ASPH: variants seen among roughly 807,000 people sequenced by gnomAD.
ASPH encodes aspartyl/asparaginyl beta-hydroxylase.
Under a neutral mutation model 118.4 loss-of-function variants are expected in ASPH, and 100 were observed. The ratio of observed to expected loss-of-function variants is 0.84; its 90% confidence interval spans 0.72 to 1.00. The LOEUF (loss-of-function observed/expected upper bound fraction) is 1.00. Ranked by LOEUF, ASPH falls within the 50% of genes least tolerant of loss-of-function variation. The pLI is 0.00. For synonymous variants in ASPH, 315 were observed against 325.6 expected, an observed-to-expected ratio of 0.97 and a Z score of 0.35; for missense variants, 920 against 919.5, an observed-to-expected ratio of 1.00 and a Z score of -0.01.
At chr8:61,700,476 G>C (rs1488167407) in intron 1 of ASPH, among the ~76,000 whole-genome samples, 4 of 152,204 alleles carry the variant, frequency 2.6e-5, no homozygotes, top group African/African-American at 9.6e-5. Context: ...CTGCTACCAA[G>C]AGCAAACAGA....
In ASPH at chr8:61,520,723, A is replaced by G. The variant is rs545415910; in HGVS notation, c.1901-2600T>C. On this transcript the variant is annotated intron_variant, in intron 22 of 24. Coordinates refer to ENST00000379454, the MANE Select transcript of ASPH (RefSeq NM_004318.4). Reference sequence around the variant, plus strand: ...TGGGGCTGCTTGGCAGGAGTCCCCAATTCTGAGCTCTGTGCTGTCCAGGCA... The same window carrying G: ...TGGGGCTGCTTGGCAGGAGTCCCCAGTTCTGAGCTCTGTGCTGTCCAGGCA... Among the ~76,000 whole-genome samples the G allele has an allele frequency of 1.8e-4, 28 of 152,290 alleles. No individual in the cohort carries two copies. The East Asian group carries it at 1.9e-3, about 10-fold the overall frequency.
chr8:61,702,423 T>C (rs1488968562), intron 1 of ASPH, among the ~76,000 whole-genome samples: 2 of 151,838 alleles, frequency 1.3e-5, no homozygotes, highest in African/African-American at 2.4e-5. Flanking sequence ...TAGCTGGTAC[T>C]ACAGGTGCCC....
chr8:61,607,002 T>C (rs973552752), intron 14 of ASPH: 1 of 379,864 alleles, frequency 2.6e-6, no homozygotes, highest in Admixed American at 4.4e-5. Flanking sequence ...CATCGCTCCA[T>C]GAAGACTCCA....
intron 14 of ASPH, among the ~76,000 whole-genome samples, chr8:61,590,835 T>G (rs1292397226): frequency 6.6e-6 from 1 of 152,196 alleles, no homozygotes; most frequent in Non-Finnish European, 1.5e-5. Context: ...CCTTTATTTC[T>G]ACCAAAGAAT....
At chr8:61,534,770 C>A (rs894680368) in intron 21 of ASPH, among the ~76,000 whole-genome samples, 12 of 152,162 alleles carry the variant, frequency 7.9e-5, no homozygotes, top group Admixed American at 7.9e-4. Context: ...TTTGCTGAGG[C>A]AGTTAGTACA....
chr8:61,579,306 G>A (rs1247659350), intron 15 of ASPH: 1 of 1,614,212 alleles, frequency 6.2e-7, no homozygotes, highest in African/African-American at 1.3e-5. Flanking sequence ...CCTGCAGCGG[G>A]CCAAGCAGGA....
intron 1 of ASPH, among the ~76,000 whole-genome samples, chr8:61,702,001 T>C (rs905599791): frequency 1.3e-5 from 2 of 152,210 alleles, no homozygotes; most frequent in African/African-American, 2.4e-5. Flanking sequence ...AATAGCTATA[T>C]TCTGTTTACA....
chr8:61,632,726 C>G, intron 13 of ASPH: 1 of 401,396 alleles, frequency 2.5e-6, no homozygotes, highest in Non-Finnish European at 4.9e-6. Flanking sequence ...CTAAGGCATC[C>G]CACATATAAC....
rs191241067 is a variant in ASPH at position 61,669,209 on chromosome 8, G to A, written c.322+11759C>T. Among the ~76,000 whole-genome samples, 549 of 152,232 alleles carry A rather than the reference G, an allele frequency of 3.6e-3. 2 individuals are homozygous for A. The highest frequency in any genetic ancestry group is 0.013 in the African/African-American group (528 of 41,536). On this transcript the variant is annotated intron_variant, in intron 3 of 24. Coordinates refer to ENST00000379454, the MANE Select transcript of ASPH (RefSeq NM_004318.4). ...GTAAATTGTAAAACCCACTTTGTACGTTTCTCAAAACTTCTACTTTCAGTA... is the reference window on the plus strand; with the variant it reads ...GTAAATTGTAAAACCCACTTTGTACATTTCTCAAAACTTCTACTTTCAGTA...
intron 16 of ASPH, among the ~76,000 whole-genome samples, chr8:61,568,474 A>C (rs1188232758): frequency 6.6e-6 from 1 of 152,164 alleles, no homozygotes; most frequent in East Asian, 1.9e-4. Flanking sequence ...AAAGGGCAAA[A>C]GCAAGTTTGG....
At chr8:61,683,797 CTG>C (rs1436041075) in intron 2 of ASPH, 6 of 382,274 alleles carry the variant, frequency 1.6e-5, no homozygotes, top group Non-Finnish European at 2.8e-5. Context: ...AAACTTCTCC[CTG>C]TGTGACAGAC....
intron 24 of ASPH, among the ~76,000 whole-genome samples, chr8:61,504,558 C>T (rs971477113): frequency 6.6e-6 from 1 of 152,156 alleles, no homozygotes; most frequent in African/African-American, 2.4e-5. Flanking sequence ...ACATATATTG[C>T]AGGGCTTCAC....
chr8:61,534,015 T>G (rs147447779), intron 21 of ASPH, among the ~76,000 whole-genome samples: 2,175 of 152,306 alleles, frequency 0.014, 48 homozygotes, highest in African/African-American at 0.05. Context: ...TGGCGCGATC[T>G]CGGCTCACCA....
At chr8:61,702,244 A>G (rs1019239329) in intron 1 of ASPH, among the ~76,000 whole-genome samples, 1 of 151,948 alleles carries the variant, frequency 6.6e-6, no homozygotes, top group Non-Finnish European at 1.5e-5. Flanking sequence ...GTAAAATGAC[A>G]AAAAGGTTCC....
At chr8:61,682,582 T>C in intron 2 of ASPH, 1 of 1,155,926 alleles carries the variant, frequency 8.7e-7, no homozygotes, top group Non-Finnish European at 1.3e-6. Context: ...AACATATCAC[T>C]GTAAGTCAGT....
At chr8:61,588,247 G>A (rs1259779856) in intron 14 of ASPH, among the ~76,000 whole-genome samples, 1 of 152,126 alleles carries the variant, frequency 6.6e-6, no homozygotes, top group African/African-American at 2.4e-5. Context: ...AAAGAAAAAG[G>A]AACACTTACA....
At chr8:61,651,405 T>C in intron 4 of ASPH, 2 of 297,250 alleles carry the variant, frequency 6.7e-6, no homozygotes, top group Admixed American at 5.0e-5. Flanking sequence ...AAAAAGAGCC[T>C]TATTAAAAGC....
intron 3 of ASPH, chr8:61,663,954 C>T (rs1264975048): frequency 4.6e-6 from 4 of 876,506 alleles, no homozygotes; most frequent in Non-Finnish European, 4.1e-6. Flanking sequence ...TCAAAAATCT[C>T]GTTTTTAAGA....
intron 16 of ASPH, among the ~76,000 whole-genome samples, chr8:61,567,567 G>T (rs112414318): frequency 6.6e-5 from 10 of 152,128 alleles, no homozygotes; most frequent in South Asian, 6.2e-4. Context: ...ACTAATACAC[G>T]CTGGGGCTGA....
Sources: gnomAD v4.1 joint callset for allele counts (sites outside exome capture counted in the v4.1 genomes callset) on GRCh38, gnomAD v4.1.1 for gene constraint, MANE v1.5 for transcripts, NCBI Gene and HGNC (gene_info 2026-07-23, HGNC 2026-07-21) for gene names.